The following GATAD2A variants were observed in gnomAD, a reference collection of about 807,000 sequenced individuals.
The protein encoded by GATAD2A is GATA zinc finger domain containing 2A, also known as transcriptional repressor p66-alpha.
Under a neutral mutation model 68.5 loss-of-function variants are expected in GATAD2A, and 12 were observed. That is an observed-to-expected ratio of 0.18 (90% CI 0.11 to 0.28). The LOEUF (loss-of-function observed/expected upper bound fraction) is 0.28, where lower values mean the gene tolerates loss of function less well. GATAD2A is among the 10% of genes least tolerant of loss of function. The probability of loss-of-function intolerance (pLI) is 1.00; values close to 1 mark genes in which losing one functional copy is unlikely to be tolerated. For missense variants in GATAD2A, 755 were observed against 868.5 expected, an observed-to-expected ratio of 0.87 and a Z score of 1.64; for synonymous variants, 410 against 375.3, an observed-to-expected ratio of 1.09 and a Z score of -1.07.
chr19:19,408,088 C>T (rs2050487689), intron 1 of GATAD2A, among the ~76,000 whole-genome samples: 1 of 152,202 alleles, frequency 6.6e-6, no homozygotes, highest in Admixed American at 6.5e-5. Flanking sequence ...CAACTTCCGC[C>T]TCTCAGGTTC....
At chr19:19,389,103 G>T (rs1314464641) in intron 1 of GATAD2A, among the ~76,000 whole-genome samples, 1 of 151,984 alleles carries the variant, frequency 6.6e-6, no homozygotes, top group African/African-American at 2.4e-5. Flanking sequence ...TGGATTCCAA[G>T]TTCACTCCAG....
chr19:19,465,590 C>A lies in GATAD2A; in HGVS notation c.245C>A (p.Pro82His). The part of the protein sequence containing the change: ...GRGEGLVGDG[P>H]VDMRTSHSDM... ...GGCGAAGGGCTGGTGGGCGATGGGC[C>A]CGTGGACATGCGCACCTCACACAGG... Residue 82 changes from proline (P) to histidine (H), a missense_variant, in exon 2 of 12, where the codon CCC becomes CAC. By Grantham distance (77) the Pro-to-His change is moderately conservative. Coordinates refer to ENST00000683918, the MANE Select transcript of GATAD2A (RefSeq NM_001384528.1). 3.1e-6 allele frequency: 5 copies of A among 1,612,164 alleles called. No individual in the cohort carries two copies. The highest frequency in any genetic ancestry group is 4.2e-6 in the Non-Finnish European group (5 of 1,179,136).
intron 7 of GATAD2A, among the ~76,000 whole-genome samples, chr19:19,496,700 A>G (rs1335933451): frequency 6.6e-6 from 1 of 152,174 alleles, no homozygotes; most frequent in Non-Finnish European, 1.5e-5. Flanking sequence ...TCTTAGCCGC[A>G]CGTCCCTTCA....
At chr19:19,502,559 C>T (rs1003605188) in intron 11 of GATAD2A, 33 bp downstream of exon 11, 1 of 1,533,200 alleles carries the variant, frequency 6.5e-7, no homozygotes, top group Non-Finnish European at 8.9e-7. Context: ...CCCAGGGGAC[C>T]TGCCCATTGT....
chr19:19,499,908 G>C (rs2060409970), intron 8 of GATAD2A, among the ~76,000 whole-genome samples: 1 of 152,230 alleles, frequency 6.6e-6, no homozygotes, highest in Non-Finnish European at 1.5e-5. Flanking sequence ...GTGAGGCTCT[G>C]ACACAGCCCG....
chr19:19,475,486 C>CCG (rs2058615873), intron 2 of GATAD2A, among the ~76,000 whole-genome samples: 1 of 41,316 alleles, frequency 2.4e-5, no homozygotes, highest in Non-Finnish European at 5.0e-5. Context: ...TCTGGAGCCC[C>CCG]CCCCCCTCCA....
chr19:19,392,389 T>G (rs2048906464), intron 1 of GATAD2A, among the ~76,000 whole-genome samples: 1 of 142,992 alleles, frequency 7.0e-6, no homozygotes, highest in Non-Finnish European at 1.5e-5. Context: ...GTTTATTGTG[T>G]GTGTGTTTTT....
chr19:19,483,152 C>T (rs1235423728), intron 2 of GATAD2A, among the ~76,000 whole-genome samples: 3 of 152,208 alleles, frequency 2.0e-5, no homozygotes, highest in Non-Finnish European at 4.4e-5. Context: ...AGCTGGGGAC[C>T]TGGGACTGCT....
intron 1 of GATAD2A, among the ~76,000 whole-genome samples, chr19:19,464,375 C>A (rs2057704656): frequency 6.6e-6 from 1 of 152,192 alleles, no homozygotes; most frequent in Non-Finnish European, 1.5e-5. Flanking sequence ...ATTCCTGTGC[C>A]CTGTCCTGTT....
At position 19,498,553 on chromosome 19, in the gene GATAD2A, G is replaced by A; in HGVS notation, c.1035G>A (p.Gln345=). ...CTGCCGAGTCTCCAGCAAGCCGACA[G>A]GCGGCCGCCAAGCTGGCGCTGCGCA... ...VTSAESPASR[Q]AAAKLALRKQ... The change falls in exon 8 of 12, where the codon CAG becomes CAA. Residue 345 remains glutamine (Q), a synonymous_variant. Coordinates refer to ENST00000683918, the MANE Select transcript of GATAD2A (RefSeq NM_001384528.1). 6.2e-7 allele frequency: 1 copy of A among 1,613,958 alleles called. No homozygotes were observed. The highest frequency in any genetic ancestry group is 8.5e-7 in the Non-Finnish European group (1 of 1,180,032).
At chr19:19,473,213 T>C (rs1367718491) in intron 2 of GATAD2A, among the ~76,000 whole-genome samples, 1 of 152,184 alleles carries the variant, frequency 6.6e-6, no homozygotes, top group Non-Finnish European at 1.5e-5. Context: ...GCTTGTCTGC[T>C]GTGGGAGGGG....
In GATAD2A at chr19:19,504,025, G is replaced by A. The variant is rs181275296; in HGVS notation, c.1775-1319G>A. On this transcript the variant is annotated intron_variant, in intron 11 of 11. Transcript: ENST00000683918. ...AGTTTGAGACCAGCCTGGGCAACAT[G>A]GTGAGACCTTGTGTCTACAAAAAAA... 3.9e-5 allele frequency among the ~76,000 whole-genome samples: 6 copies of A among 152,108 alleles called. No individual in the cohort carries two copies. The East Asian group carries it at 1.2e-3, about 30-fold the overall frequency.
In GATAD2A at chr19:19,459,262, G is replaced by T. The variant is rs142882193; in HGVS notation, c.-6-6078G>T. 5.9e-4 allele frequency among the ~76,000 whole-genome samples: 90 copies of T among 152,164 alleles called. 2 individuals carry two copies. In the East Asian group the frequency reaches 0.011, roughly 18 times the overall value. On this transcript the variant is annotated intron_variant, in intron 1 of 11. Coordinates refer to ENST00000683918, the MANE Select transcript of GATAD2A (RefSeq NM_001384528.1). The stretch of plus-strand genomic sequence containing the variant: ...GAAATGTTTACTATAGTAAGTGAAA[G>T]TTTCTTAATAATCTACTCTTCAGAG...
intron 2 of GATAD2A, among the ~76,000 whole-genome samples, chr19:19,480,443 A>G (rs1040359727): frequency 1.3e-5 from 2 of 152,244 alleles, no homozygotes; most frequent in African/African-American, 4.8e-5. Context: ...CTCGTACTTT[A>G]TCACTGGTAC....
intron 1 of GATAD2A, chr19:19,440,336 TCTC>T (rs1343659662): frequency 5.1e-6 from 1 of 197,930 alleles, no homozygotes; most frequent in Non-Finnish European, 1.0e-5. Context: ...AGTGGCGCGA[TCTC>T]AGCTCATTGC....
In GATAD2A at chr19:19,492,325, A is replaced by C. The variant is rs756549166; in HGVS notation, c.289A>C (p.Arg97=). Residue 97 remains arginine (R), a synonymous_variant, in exon 3 of 12, where the codon AGA becomes CGA. Coordinates refer to ENST00000683918, the MANE Select transcript of GATAD2A (RefSeq NM_001384528.1). ...CCACAGTGACATGAAGTCCGAGAGG[A>C]GACCCCCCTCACCTGACGTGATTGT... ...TSHSDMKSER[R]PPSPDVIVLS... 1.9e-6 allele frequency: 3 copies of C among 1,606,356 alleles called. No homozygotes were observed. In the South Asian group the frequency reaches 3.3e-5, roughly 18 times the overall value.
At position 19,429,253 on chromosome 19, in the gene GATAD2A, TG is replaced by T. The variant is rs567420493; in HGVS notation, c.-7+23241del. 1.3e-3 allele frequency: 1,249 copies of T among 982,970 alleles called. 11 individuals are homozygous for T. The African/African-American group carries it at 0.019, about 15-fold the overall frequency. 60.9% of individuals were successfully genotyped at this position (982,970 alleles called of 1,614,324 possible). ...AGCATCGTGGTCCATGGTGAGGGGC[TG>T]GGGGGGAGAGCTTGCCTGAGTAACA... is the stretch of plus-strand genomic sequence containing the variant. On this transcript the variant is annotated intron_variant, in intron 1 of 11. Coordinates refer to ENST00000683918, the MANE Select transcript of GATAD2A (RefSeq NM_001384528.1).
intron 1 of GATAD2A, among the ~76,000 whole-genome samples, chr19:19,453,495 C>G (rs1225636043): frequency 2.0e-5 from 3 of 152,050 alleles, no homozygotes; most frequent in Non-Finnish European, 4.4e-5. Context: ...ACGTTCGAGT[C>G]TGTCCGCTGT....
rs935165878 is a variant in GATAD2A, at chr19:19,502,029, G to A, written c.1564G>A (p.Gly522Arg). The A allele has an allele frequency of 6.2e-6, 10 of 1,613,376 alleles. No homozygotes were observed. Among genetic ancestry groups the A allele is most frequent in the East Asian group, 2.2e-5 (1 of 44,898 alleles). The part of the protein sequence containing the change: ...RSGEARDWSN[G>R]AVLQASSQLS... Reference sequence around the variant, plus strand: ...AGGAGAGGCCCGCGACTGGAGTAACGGGGCTGTGCTACAGGTCAGAACCGC... The same window carrying A: ...AGGAGAGGCCCGCGACTGGAGTAACAGGGCTGTGCTACAGGTCAGAACCGC... Residue 522 changes from glycine (G) to arginine (R), a missense_variant, in exon 10 of 12, where the codon GGG becomes AGG. Transcript: ENST00000683918.
Sources: allele counts gnomAD v4.1 joint callset (sites outside exome capture counted in the v4.1 genomes callset), GRCh38; gene constraint gnomAD v4.1.1; transcripts MANE v1.5; gene names NCBI Gene and HGNC (gene_info 2026-07-23, HGNC 2026-07-21).